PPP2R3B: variants seen among roughly 807,000 people sequenced by gnomAD.
PPP2R3B encodes serine/threonine-protein phosphatase 2A regulatory subunit B'' subunit beta.
In PPP2R3B, 68 loss-of-function variants were observed where a neutral mutation model predicts 72.9. The observed-to-expected ratio is 0.93, with a 90% CI of 0.77 to 1.14. The LOEUF is 1.14. Ranked by LOEUF, PPP2R3B falls within the 50% of genes most tolerant of loss-of-function variation. The probability of loss-of-function intolerance (pLI) is 0.00; values close to 1 mark genes in which losing one functional copy is unlikely to be tolerated. For synonymous variants in PPP2R3B, 466 were observed against 375.8 expected, an observed-to-expected ratio of 1.24 and a Z score of -2.78; for missense variants, 1,018 against 842.0, an observed-to-expected ratio of 1.21 and a Z score of -2.59.
intron 10 of PPP2R3B, among the ~76,000 whole-genome samples, chrX:339,326 G>A (rs1392210373): frequency 7.6e-6 from 1 of 132,156 alleles, no homozygotes; most frequent in South Asian, 2.8e-4. Flanking sequence ...TTTCCAAAGT[G>A]AAAGTCCCAG....
intron 2 of PPP2R3B, among the ~76,000 whole-genome samples, chrX:350,738 C>T (rs1474622843): frequency 5.9e-5 from 9 of 152,200 alleles, no homozygotes; most frequent in Admixed American, 1.3e-4. Flanking sequence ...GGGTGTCCTC[C>T]GCGTTGCTGG....
intron 1 of PPP2R3B, among the ~76,000 whole-genome samples, chrX:371,842 C>T (rs2071873736): frequency 6.7e-6 from 1 of 148,214 alleles, no homozygotes; most frequent in Non-Finnish European, 1.5e-5. Flanking sequence ...CCCAAATATG[C>T]CTGTAATTCC....
chrX:364,220 C>G (rs1313446674), intron 1 of PPP2R3B, among the ~76,000 whole-genome samples: 2 of 152,192 alleles, frequency 1.3e-5, no homozygotes, highest in African/African-American at 2.4e-5. Flanking sequence ...CCAAGTAAAT[C>G]CCCAGCGCGC....
Position 364,083 on chromosome X carries a change from G to T in PPP2R3B, c.325-2493C>A, listed in dbSNP as rs752027235. The stretch of plus-strand genomic sequence containing the variant: ...GCCTGAACAGGCTCTGCCTTCAGAA[G>T]CGTGGGCCGAGCGGGCTCACCCGAA... On this transcript the variant is annotated intron_variant, in intron 1 of 12. Coordinates refer to ENST00000390665, the MANE Select transcript of PPP2R3B (RefSeq NM_013239.5). Among the ~76,000 whole-genome samples the T allele has an allele frequency of 9.2e-5, 14 of 152,368 alleles. 1 individual carries two copies. Among genetic ancestry groups the T allele is most frequent in the African/African-American group, 2.9e-4 (12 of 41,600 alleles).
At chrX:373,856 G>C in intron 1 of PPP2R3B, 1 of 152,452 alleles carries the variant, frequency 6.6e-6, no homozygotes, top group East Asian at 1.9e-4. Flanking sequence ...CCGGGGGTGG[G>C]GGCGGCCGCC....
rs2124521676 is a variant in PPP2R3B at position 334,275 on chromosome X, A to C, written c.*92T>G. ...AAAGTTTATCATTCCGTACAAACGC[A>C]CTCATTTTCCACAACAGTTTTTACA... On this transcript the variant is annotated 3_prime_UTR_variant, in exon 13 of 13. Transcript: ENST00000390665. 1.5e-6 allele frequency: 2 copies of C among 1,316,682 alleles called. No homozygotes were observed. Among genetic ancestry groups the C allele is most frequent in the East Asian group, 2.8e-5 (1 of 35,298 alleles). 81.6% of individuals were successfully genotyped at this position (1,316,682 alleles called of 1,614,324 possible). A position where few individuals can be genotyped will look rare whatever the true frequency, so the allele number is the denominator to read the frequency against.
At chrX:384,475 A>T (rs1470008372) in intron 1 of PPP2R3B, among the ~76,000 whole-genome samples, 1 of 151,814 alleles carries the variant, frequency 6.6e-6, no homozygotes, top group East Asian at 1.9e-4. Context: ...GTGTATTTTT[A>T]GCAGAGATGG....
At position 338,718 on chromosome X, in the gene PPP2R3B, A is replaced by C. The variant is rs767205207; in HGVS notation, c.1471-8T>G. Reference sequence around the variant, plus strand: ...GCCGCCGCTGTCACCGTCCTGGAGGAAGCACACGGGTTACGTACACGGCGT... The same window carrying C: ...GCCGCCGCTGTCACCGTCCTGGAGGCAGCACACGGGTTACGTACACGGCGT... On this transcript the variant is annotated splice_polypyrimidine_tract_variant and splice_region_variant and intron_variant, in intron 11 of 12. Transcript: ENST00000390665. 1.5e-5 allele frequency: 24 copies of C among 1,611,640 alleles called. No homozygotes were observed. Among genetic ancestry groups the C allele is most frequent in the Non-Finnish European group, 2.0e-5 (24 of 1,179,478 alleles).
intron 12 of PPP2R3B, 45 bp downstream of exon 12, chrX:338,559 C>G (rs1402536716): frequency 4.3e-6 from 6 of 1,395,420 alleles, no homozygotes; most frequent in Non-Finnish European, 5.8e-6. Context: ...ACTCACCCGT[C>G]CTCCCACTGA....
chrX:368,671 C>T lies in PPP2R3B; in HGVS notation c.325-7081G>A, dbSNP rs113267621. 6.3e-4 allele frequency among the ~76,000 whole-genome samples: 8 copies of T among 12,732 alleles called. 2 individuals are homozygous for T. Among genetic ancestry groups the T allele is most frequent in the African/African-American group, 4.9e-3 (8 of 1,638 alleles). 8.4% of individuals were successfully genotyped at this position (12,732 alleles called of 152,430 possible). On this transcript the variant is annotated intron_variant, in intron 1 of 12. Transcript: ENST00000390665. ...GGGACCACCCACCCTGGGCACCGACCGGGGGAAGGCCGGGACCACCCACCC... is the reference window on the plus strand; with the variant it reads ...GGGACCACCCACCCTGGGCACCGACTGGGGGAAGGCCGGGACCACCCACCC...
intron 1 of PPP2R3B, among the ~76,000 whole-genome samples, chrX:376,433 A>G (rs1409532631): frequency 8.4e-5 from 9 of 107,702 alleles, no homozygotes; most frequent in African/African-American, 2.6e-4. Flanking sequence ...CACTCGACAG[A>G]GCCCCCATGG....
At chrX:369,042 T>C (rs2071797962) in intron 1 of PPP2R3B, among the ~76,000 whole-genome samples, 1 of 152,204 alleles carries the variant, frequency 6.6e-6, no homozygotes, top group Non-Finnish European at 1.5e-5. Flanking sequence ...AGAGCACACA[T>C]TCTTTTCAAC....
chrX:350,454 G>A (rs759305636), intron 2 of PPP2R3B, among the ~76,000 whole-genome samples: 1 of 152,342 alleles, frequency 6.6e-6, no homozygotes, highest in African/African-American at 2.4e-5. Context: ...ATGACACAGA[G>A]GGAGAAATGT....
intron 2 of PPP2R3B, among the ~76,000 whole-genome samples, chrX:348,581 A>AAAAAAAAAAAAAAG (rs111787156): frequency 2.8e-4 from 41 of 144,448 alleles, no homozygotes; most frequent in African/African-American, 9.7e-4. Context: ...GTCTCAAAAA[A>AAAAAAAAAAAAAAG]AGAGCAAATA....
chrX:354,047 T>C (rs2071387986), intron 2 of PPP2R3B, among the ~76,000 whole-genome samples: 1 of 133,476 alleles, frequency 7.5e-6, no homozygotes, highest in African/African-American at 3.3e-5. Flanking sequence ...GACCAGGGGC[T>C]CACCCAAAGA....
At chrX:357,177 C>A (rs2071455190) in intron 2 of PPP2R3B, among the ~76,000 whole-genome samples, 1 of 137,708 alleles carries the variant, frequency 7.3e-6, no homozygotes, top group Non-Finnish European at 1.6e-5. Context: ...CTGGCCCGGG[C>A]CAGGGAGAAA....
chrX:357,174 G>A (rs1161754762), intron 2 of PPP2R3B, among the ~76,000 whole-genome samples: 3 of 139,102 alleles, frequency 2.2e-5, no homozygotes, highest in Non-Finnish European at 3.1e-5. Flanking sequence ...CAGCTGGCCC[G>A]GGCCAGGGAG....
At chrX:384,573 CG>C in intron 1 of PPP2R3B, among the ~76,000 whole-genome samples, 1 of 152,012 alleles carries the variant, frequency 6.6e-6, no homozygotes, top group Non-Finnish European at 1.5e-5. Context: ...GAATCACAGG[CG>C]TGAGTCACCA....
At chrX:350,649 G>A (rs1472400916) in intron 2 of PPP2R3B, among the ~76,000 whole-genome samples, 1 of 152,240 alleles carries the variant, frequency 6.6e-6, no homozygotes, top group Non-Finnish European at 1.5e-5. Flanking sequence ...GCATGGAGAG[G>A]TGGCAACAAG....
Sources: gnomAD v4.1 joint callset for allele counts (sites outside exome capture counted in the v4.1 genomes callset) on GRCh38, gnomAD v4.1.1 for gene constraint, MANE v1.5 for transcripts, NCBI Gene and HGNC (gene_info 2026-07-23, HGNC 2026-07-21) for gene names.